Variants in THAP6 observed in about 807,000 individuals in gnomAD.
THAP6 encodes the protein THAP domain-containing protein 6.
THAP6 carries 13 observed loss-of-function variants against 20.0 expected under a neutral mutation model. The observed-to-expected ratio is 0.65, with a 90% CI of 0.42 to 1.03. THAP6 has a LOEUF of 1.03. THAP6 is among the 50% of genes least tolerant of loss of function. The probability of loss-of-function intolerance (pLI) is 0.00; values close to 1 mark genes in which losing one functional copy is unlikely to be tolerated. For missense variants in THAP6, 262 were observed against 261.6 expected (o/e 1.00, Z -0.01); for synonymous variants, 93 against 92.2 (o/e 1.01, Z -0.05).
rs751021140 is a variant in THAP6 at position 75,516,832 on chromosome 4, G to A, written c.141G>A (p.Val47=). ...KWVLAMKRLD[V]NAAGIWEPKK... ...TATTAGCAATGAAAAGACTTGATGT[G>A]AATGCAGCCGGCATTTGGGAGCCTA... The change falls in exon 3 of 5, where the codon GTG becomes GTA. Residue 47 remains valine, a synonymous_variant. Transcript: ENST00000311638. 12 of 1,613,960 alleles carry A rather than the reference G, an allele frequency of 7.4e-6. No individual in the cohort carries two copies. In the African/African-American group the frequency reaches 1.6e-4, roughly 22 times the overall value.
chr4:75,514,660 T>G, intron 1 of THAP6, 140 bp downstream of exon 1: 2 of 182,490 alleles, frequency 1.1e-5, no homozygotes, highest in East Asian at 1.4e-4. Context: ...GGCGCATCGT[T>G]ACCTGTGACG....
chr4:75,522,851 A>G (rs1162928581), intron 4 of THAP6, among the ~76,000 whole-genome samples: 1 of 152,060 alleles, frequency 6.6e-6, no homozygotes, highest in Admixed American at 6.5e-5. Flanking sequence ...GTTGATGGAC[A>G]CTTAGGTTTT....
chr4:75,527,177 G>T lies in THAP6; in HGVS notation c.632G>T (p.Cys211Phe). The change falls in exon 5 of 5, where the codon TGT becomes TTT. Residue 211 changes from cysteine to phenylalanine, a missense_variant. Coordinates refer to ENST00000311638, the MANE Select transcript of THAP6 (RefSeq NM_144721.6). ...ANRLDTFCWD[C>F]CQESIEQDYI... ...AGACTGGACACTTTCTGTTGGGACT[G>T]TTGTCAGGAGAGCATAGAACAGGAC... 1 of 1,614,058 alleles carries T rather than the reference G, an allele frequency of 6.2e-7. No individual in the cohort carries two copies. The highest frequency in any genetic ancestry group is 8.5e-7 in the Non-Finnish European group (1 of 1,179,948).
chr4:75,523,800 C>CAAAAAAAAA (rs74684663), intron 4 of THAP6, among the ~76,000 whole-genome samples: 1 of 72,744 alleles, frequency 1.4e-5, no homozygotes, highest in African/African-American at 4.1e-5. Context: ...GAACCTGTCT[C>CAAAAAAAAA]AAAAAAAAAA....
chr4:75,533,862 T>C (rs1215977964), downstream of THAP6, among the ~76,000 whole-genome samples: 1 of 152,136 alleles, frequency 6.6e-6, no homozygotes, highest in Non-Finnish European at 1.5e-5. Context: ...GCTGCATCCA[T>C]TAACTCGTCA....
At chr4:75,515,410 T>G (rs745784868) in intron 1 of THAP6, 23 bp from the exon 2 acceptor site, 2 of 1,601,014 alleles carry the variant, frequency 1.2e-6, no homozygotes, top group Non-Finnish European at 1.7e-6. Context: ...TTACTAACTC[T>G]TAACATTCTA....
At chr4:75,521,900 A>C in intron 4 of THAP6, 39 bp downstream of exon 4, 1 of 1,612,164 alleles carries the variant, frequency 6.2e-7, no homozygotes, top group Non-Finnish European at 8.5e-7. Flanking sequence ...TAATTCTTTT[A>C]AGATGAATAT....
Position 75,527,153 on chromosome 4 carries a change from G to T in THAP6, c.608G>T (p.Arg203Ile), listed in dbSNP as rs779448314. Residue 203 changes from arginine to isoleucine, a missense_variant, in exon 5 of 5, where the codon AGA becomes ATA. Transcript: ENST00000311638. Reference protein sequence around the residue: ...ECLISQETANRLDTFCWDCCQ... With the variant: ...ECLISQETANILDTFCWDCCQ... The stretch of plus-strand genomic sequence containing the variant: ...CTGATCAGCCAAGAAACAGCAAATA[G>T]ACTGGACACTTTCTGTTGGGACTGT... 1.1e-5 allele frequency: 18 copies of T among 1,613,992 alleles called. No individual in the cohort carries two copies. The East Asian group carries it at 4.0e-4, about 36-fold the overall frequency.
chr4:75,523,533 A>G (rs1726167683), intron 4 of THAP6, among the ~76,000 whole-genome samples: 1 of 151,990 alleles, frequency 6.6e-6, no homozygotes, highest in African/African-American at 2.4e-5. Context: ...GCCGGGTGTG[A>G]TGGCTCATGC....
chr4:75,515,491 C>T lies in THAP6; in HGVS notation c.39C>T (p.Arg13=). The stretch of plus-strand genomic sequence containing the variant: ...GCTCCGCCATTGGATGTGCTTCTCG[C>T]TGCTTGCCAAATTCGAAGTTAAAAG... ...KCCSAIGCAS[R]CLPNSKLKGL... is the part of the protein sequence containing the mutation. Residue 13 remains arginine, a synonymous_variant, in exon 2 of 5, where the codon CGC becomes CGT. Coordinates refer to ENST00000311638, the MANE Select transcript of THAP6 (RefSeq NM_144721.6). 2 of 1,614,030 alleles carry T rather than the reference C, an allele frequency of 1.2e-6. No homozygotes were observed. The highest frequency in any genetic ancestry group is 1.7e-6 in the Non-Finnish European group (2 of 1,179,880).
intron 2 of THAP6, among the ~76,000 whole-genome samples, chr4:75,537,274 C>G (rs1360751339): frequency 6.6e-6 from 1 of 152,138 alleles, no homozygotes; most frequent in Non-Finnish European, 1.5e-5. Flanking sequence ...GTGAATATCA[C>G]TAATATGGTT....
At chr4:75,515,869 G>A (rs995684142) in intron 2 of THAP6, among the ~76,000 whole-genome samples, 5 of 152,322 alleles carry the variant, frequency 3.3e-5, no homozygotes, top group Middle Eastern at 3.4e-3. Flanking sequence ...AGCTTTGCTC[G>A]AATATATTGC....
intron 2 of THAP6, among the ~76,000 whole-genome samples, chr4:75,539,278 T>C (rs1726944577): frequency 6.6e-6 from 1 of 152,230 alleles, no homozygotes; most frequent in Admixed American, 6.5e-5. Flanking sequence ...GGGTCTATCA[T>C]TTTATATCTG....
Position 75,521,720 on chromosome 4 carries a change from T to C in THAP6, c.289-16T>C. 6.3e-7 allele frequency: 1 copy of C among 1,587,984 alleles called. No individual in the cohort carries two copies. The highest frequency in any genetic ancestry group is 8.6e-7 in the Non-Finnish European group (1 of 1,168,094). ...AAGTATCTCACTTGATGATTATTATTAACTACTCTTAACAGGGGAAAAGAG... is the reference window on the plus strand; with the variant it reads ...AAGTATCTCACTTGATGATTATTATCAACTACTCTTAACAGGGGAAAAGAG... On this transcript the variant is annotated splice_polypyrimidine_tract_variant and intron_variant, in intron 3 of 4. Transcript: ENST00000311638.
chr4:75,516,917 C>G lies in THAP6; in HGVS notation c.226C>G (p.Pro76Ala). ...FKKTDFDRSA[P>A]NIKLKPGVIP... ...GAAGACAGATTTTGACAGAAGTGCT[C>G]CAAATATTAAACTGAAACCTGGAGT... Residue 76 changes from proline (P) to alanine (A), a missense_variant, in exon 3 of 5, where the codon CCA becomes GCA. Coordinates refer to ENST00000311638, the MANE Select transcript of THAP6 (RefSeq NM_144721.6). 6.2e-7 allele frequency: 1 copy of G among 1,613,670 alleles called. No individual in the cohort carries two copies. The highest frequency in any genetic ancestry group is 8.5e-7 in the Non-Finnish European group (1 of 1,179,968).
chr4:75,526,264 G>T (rs940382030), intron 4 of THAP6, among the ~76,000 whole-genome samples: 25 of 152,076 alleles, frequency 1.6e-4, no homozygotes, highest in African/African-American at 5.3e-4. Context: ...TTGGTTCTTG[G>T]AGGTAGGGGT....
At chr4:75,533,260 T>A (rs370435684), downstream of THAP6, among the ~76,000 whole-genome samples, 9 of 152,308 alleles carry the variant, frequency 5.9e-5, no homozygotes, top group South Asian at 2.1e-4. Flanking sequence ...ATGCTGCCAG[T>A]TTCTTTACTA....
chr4:75,546,576 A>G (rs1727131513), intron 3 of THAP6, among the ~76,000 whole-genome samples: 1 of 152,224 alleles, frequency 6.6e-6, no homozygotes, highest in South Asian at 2.1e-4. Flanking sequence ...GATTCCCTAG[A>G]GAAACAGAAC....
At position 75,542,600 on chromosome 4, in the gene THAP6, CAG is replaced by C. The variant is rs1727035182; in HGVS notation, c.243+118_243+119del. 1.2e-5 allele frequency: 7 copies of C among 589,444 alleles called. No homozygotes were observed. The East Asian group carries it at 1.7e-4, about 14-fold the overall frequency. 36.5% of individuals were successfully genotyped at this position (589,444 alleles called of 1,614,324 possible). ...TCATTTTACAGAAGAGGAAATTAAA[CAG>C]AGAAAAGCTAGGTAATTTGCCCAAG... On this transcript the variant is annotated intron_variant, in intron 3 of 4. Transcript: ENST00000502620.
Sources: allele counts gnomAD v4.1 joint callset (sites outside exome capture counted in the v4.1 genomes callset), GRCh38; gene constraint gnomAD v4.1.1; transcripts MANE v1.5; gene names NCBI Gene and HGNC (gene_info 2026-07-23, HGNC 2026-07-21).